Variants in TRIM65 observed in about 807,000 individuals in gnomAD.
TRIM65 encodes tripartite motif containing 65.
Under a neutral mutation model 36.1 loss-of-function variants are expected in TRIM65, and 46 were observed. The ratio of observed to expected loss-of-function variants is 1.27; its 90% CI spans 1.01 to 1.63. TRIM65 has a LOEUF of 1.63. Ranked by LOEUF, TRIM65 falls within the 40% of genes most tolerant of loss-of-function variation. The pLI is 0.00. For synonymous variants in TRIM65, 346 were observed against 313.6 expected (o/e 1.10, Z -1.09); for missense variants, 708 against 696.6 (o/e 1.02, Z -0.18).
rs79120131 is a variant in TRIM65, at chr17:75,890,451, G to C, written c.*328C>G. 2,168 of 211,678 alleles carry C rather than the reference G, an allele frequency of 0.01. 19 individuals carry two copies. Among genetic ancestry groups the C allele is most frequent in the South Asian group, 0.021 (126 of 5,968 alleles). 13.1% of individuals were successfully genotyped at this position (211,678 alleles called of 1,614,324 possible). Reference sequence around the variant, plus strand: ...CTTATCATCTCCAGAGGCAAGTTCAGGTAGATCTGAATTTTGTCACACACG... The same window carrying C: ...CTTATCATCTCCAGAGGCAAGTTCACGTAGATCTGAATTTTGTCACACACG... On this transcript the variant is annotated 3_prime_UTR_variant, in exon 6 of 6. Transcript: ENST00000269383.
chr17:75,885,492 T>C (rs1314175428), downstream of TRIM65, among the ~76,000 whole-genome samples: 2 of 151,950 alleles, frequency 1.3e-5, no homozygotes, highest in Non-Finnish European at 2.9e-5. Context: ...CCTAGGGAGG[T>C]TTGCAGCCTC....
chr17:75,888,166 TAA>T (rs1491435756), downstream of TRIM65, among the ~76,000 whole-genome samples: 292 of 78,700 alleles, frequency 3.7e-3, 1 homozygote, highest in African/African-American at 0.015. Context: ...AAAAAATATA[TAA>T]ATAAATAAAT....
chr17:75,893,902 A>G (rs1420888571), intron 1 of TRIM65, among the ~76,000 whole-genome samples: 1 of 151,736 alleles, frequency 6.6e-6, no homozygotes, highest in African/African-American at 2.4e-5. Context: ...CCGGCCTCCA[A>G]CTCAAACTTC....
At chr17:75,888,245 C>T (rs2065224938), downstream of TRIM65, among the ~76,000 whole-genome samples, 1 of 148,796 alleles carries the variant, frequency 6.7e-6, no homozygotes, top group South Asian at 2.1e-4. Flanking sequence ...CCCAGCTACT[C>T]GGGAGGCTGA....
At chr17:75,893,833 G>C (rs1267604152) in intron 1 of TRIM65, among the ~76,000 whole-genome samples, 1 of 151,856 alleles carries the variant, frequency 6.6e-6, no homozygotes, top group Non-Finnish European at 1.5e-5. Flanking sequence ...CAAAATCCTG[G>C]CTCCCCTGGT....
At position 75,891,887 on chromosome 17, in the gene TRIM65, C is replaced by A. The variant is rs753534567; in HGVS notation, c.920-9G>T. 28 of 1,609,296 alleles carry A rather than the reference C, an allele frequency of 1.7e-5. No individual in the cohort carries two copies. The South Asian group carries it at 2.8e-4, about 16-fold the overall frequency. On this transcript the variant is annotated splice_polypyrimidine_tract_variant and intron_variant, in intron 4 of 5. Transcript: ENST00000269383. ...CAGGGGACCTGGGGCCTCTAGGGGG[C>A]AAAGCAGTGTTAAGGGAATGGTTGG...
At chr17:75,891,727 GCA>G (rs1171494045) in intron 5 of TRIM65, 84 bp downstream of exon 5, 12 of 968,562 alleles carry the variant, frequency 1.2e-5, no homozygotes, top group South Asian at 1.8e-5. Flanking sequence ...ATACGAACAT[GCA>G]CACACACACG....
In TRIM65 at chr17:75,896,863, C is replaced by A; in HGVS notation, c.75G>T (p.Leu25=). 6.5e-7 allele frequency: 1 copy of A among 1,532,130 alleles called. No individual in the cohort carries two copies. The highest frequency in any genetic ancestry group is 8.8e-7 in the Non-Finnish European group (1 of 1,142,836). 94.9% of individuals were successfully genotyped at this position (1,532,130 alleles called of 1,614,324 possible). The change falls in exon 1 of 6, where the codon CTG becomes CTT. Residue 25 remains leucine, a synonymous_variant. Transcript: ENST00000269383. ...CCCCGCAGAAGTTGTGGCCGCAGGG[C>A]AGCGTCACTGGGTCCTGGTAGAGCC... is the stretch of plus-strand genomic sequence containing the variant. ...CLGLYQDPVT[L]PCGHNFCGAC...
Position 75,891,127 on chromosome 17 carries a change from C to T in TRIM65, c.1206G>A (p.Pro402=), listed in dbSNP as rs376045388. The T allele has an allele frequency of 2.4e-5, 38 of 1,608,398 alleles. No individual in the cohort carries two copies. Among genetic ancestry groups the T allele is most frequent in the East Asian group, 1.1e-4 (5 of 44,886 alleles). Residue 402 remains proline, a synonymous_variant, in exon 6 of 6, where the codon CCG becomes CCA. Transcript: ENST00000269383. Reference sequence around the variant, plus strand: ...GCCCCAGCCTGCACCGTGGCAGTTGCGGGTAGGAGACGCCCAGTGTCACCG... The same window carrying T: ...GCCCCAGCCTGCACCGTGGCAGTTGTGGGTAGGAGACGCCCAGTGTCACCG... ...DHSVTLGVSY[P]QLPRCRLGPH... is the part of the protein sequence containing the mutation.
In TRIM65 at chr17:75,896,867, G is replaced by A. The variant is rs866121286; in HGVS notation, c.71C>T (p.Thr24Met). The change falls in exon 1 of 6, where the codon ACG (threonine) becomes ATG (methionine). Residue 24 changes from threonine to methionine, a missense_variant. Thr to Met is a moderately conservative substitution (Grantham distance 81). Coordinates refer to ENST00000269383, the MANE Select transcript of TRIM65 (RefSeq NM_173547.4). ...GCAGAAGTTGTGGCCGCAGGGCAGC[G>A]TCACTGGGTCCTGGTAGAGCCCCAG... The part of the protein sequence containing the change: ...ICLGLYQDPV[T>M]LPCGHNFCGA... 2.0e-6 allele frequency: 3 copies of A among 1,531,312 alleles called. No individual in the cohort carries two copies. Among genetic ancestry groups the A allele is most frequent in the East Asian group, 2.5e-5 (1 of 39,310 alleles). 94.9% of individuals were successfully genotyped at this position (1,531,312 alleles called of 1,614,324 possible).
At position 75,890,728 on chromosome 17, in the gene TRIM65, G is replaced by C; in HGVS notation, c.*51C>G. 1 of 1,404,858 alleles carries C rather than the reference G, an allele frequency of 7.1e-7. No individual in the cohort carries two copies. The highest frequency in any genetic ancestry group is 9.3e-7 in the Non-Finnish European group (1 of 1,071,378). 87.0% of individuals were successfully genotyped at this position (1,404,858 alleles called of 1,614,324 possible). A position where few individuals can be genotyped will look rare whatever the true frequency, so the allele number is the denominator to read the frequency against. ...CCCAAGCTGAAGCTGGGCAGCTCTT[G>C]GGCACATAGGCATGGTGGCAGCTAT... On this transcript the variant is annotated 3_prime_UTR_variant, in exon 6 of 6. Coordinates refer to ENST00000269383, the MANE Select transcript of TRIM65 (RefSeq NM_173547.4).
downstream of TRIM65, among the ~76,000 whole-genome samples, chr17:75,887,777 T>C (rs2065219769): frequency 2.6e-5 from 4 of 152,094 alleles, no homozygotes; most frequent in South Asian, 8.3e-4. Context: ...ATCCCAGCAC[T>C]TTGGGAGGCC....
rs750445359 is a variant in TRIM65 at position 75,889,991 on chromosome 17, T to C, written c.*788A>G. The C allele has an allele frequency of 1.1e-4, 16 of 152,140 alleles. No individual in the cohort carries two copies. The highest frequency in any genetic ancestry group is 9.2e-4 in the Admixed American group (14 of 15,278). 9.4% of individuals were successfully genotyped at this position (152,140 alleles called of 1,614,324 possible). A position where few individuals can be genotyped will look rare whatever the true frequency, so the allele number is the denominator to read the frequency against. On this transcript the variant is annotated 3_prime_UTR_variant, in exon 6 of 6. Transcript: ENST00000269383. ...AGAAATTTAAATGTCCAATAATGGA[T>C]AAATAAACTTGATAGTCATTAGAAT... is the stretch of plus-strand genomic sequence containing the variant.
chr17:75,887,172 A>G (rs1042241911), downstream of TRIM65, among the ~76,000 whole-genome samples: 88 of 150,324 alleles, frequency 5.9e-4, no homozygotes, highest in African/African-American at 1.4e-3. Flanking sequence ...AAAAAAAAAA[A>G]AAGAAGAGAA....
At position 75,889,372 on chromosome 17, in the gene TRIM65, A is replaced by C. The variant is rs1341612410; in HGVS notation, c.*1407T>G. 1 of 152,112 alleles carries C rather than the reference A, an allele frequency of 6.6e-6. No individual in the cohort carries two copies. Among genetic ancestry groups the C allele is most frequent in the African/African-American group, 2.4e-5 (1 of 41,422 alleles). 9.4% of individuals were successfully genotyped at this position (152,112 alleles called of 1,614,324 possible). A position where few individuals can be genotyped will look rare whatever the true frequency, so the allele number is the denominator to read the frequency against. ...CCTGGCCAAAAGCAGACACCCTTGG[A>C]ACCACCTCCCAGAACAAGAAGTGGA... On this transcript the variant is annotated 3_prime_UTR_variant, in exon 6 of 6. Transcript: ENST00000269383.
chr17:75,893,955 T>C (rs2065309490), intron 1 of TRIM65, among the ~76,000 whole-genome samples: 1 of 152,146 alleles, frequency 6.6e-6, no homozygotes, highest in African/African-American at 2.4e-5. Context: ...GAGCAGTACA[T>C]CTCGTCTCAT....
chr17:75,881,975 G>A (rs754555428), intron 4 of TRIM65, among the ~76,000 whole-genome samples: 4 of 150,352 alleles, frequency 2.7e-5, no homozygotes, highest in Non-Finnish European at 5.9e-5. Flanking sequence ...AGGAGCGGTT[G>A]GGAGGCCCAG....
At chr17:75,895,523 G>A (rs1460952639) in intron 1 of TRIM65, among the ~76,000 whole-genome samples, 2 of 152,134 alleles carry the variant, frequency 1.3e-5, no homozygotes, top group African/African-American at 2.4e-5. Flanking sequence ...TGCCACTAGG[G>A]ACCCCGCGTG....
intron 4 of TRIM65, 53 bp downstream of exon 4, chr17:75,891,958 G>C: frequency 6.4e-7 from 1 of 1,558,394 alleles, no homozygotes; most frequent in Middle Eastern, 1.7e-4. Context: ...CCCCCCCAGC[G>C]GGAGGGGCAG....
Sources: gnomAD v4.1 joint callset for allele counts (sites outside exome capture counted in the v4.1 genomes callset) on GRCh38, gnomAD v4.1.1 for gene constraint, MANE v1.5 for transcripts, NCBI Gene and HGNC (gene_info 2026-07-23, HGNC 2026-07-21) for gene names.